The following GABRG3 variants were observed in gnomAD, a reference collection of about 807,000 sequenced individuals.
GABRG3 encodes the protein gamma-aminobutyric acid type A receptor subunit gamma3.
In GABRG3, 25 loss-of-function variants were observed where a neutral mutation model predicts 48.8. The observed-to-expected ratio is 0.51, with a 90% CI of 0.37 to 0.72. The LOEUF (loss-of-function observed/expected upper bound fraction) is 0.72. Ranked by LOEUF, GABRG3 falls within the 30% of genes least tolerant of loss-of-function variation. The pLI is 0.00. For synonymous variants in GABRG3, 227 were observed against 217.6 expected, an observed-to-expected ratio of 1.04 and a Z score of -0.38; for missense variants, 394 against 577.9, an observed-to-expected ratio of 0.68 and a Z score of 3.26.
At chr15:27,446,242 A>G (rs1489541726) in intron 5 of GABRG3, among the ~76,000 whole-genome samples, 1 of 152,218 alleles carries the variant, frequency 6.6e-6, no homozygotes, top group Non-Finnish European at 1.5e-5. Flanking sequence ...TAGTATTATC[A>G]TCTTAACAAT....
At chr15:27,515,073 A>C (rs1164967626) in intron 6 of GABRG3, among the ~76,000 whole-genome samples, 1 of 150,846 alleles carries the variant, frequency 6.6e-6, no homozygotes, top group Non-Finnish European at 1.5e-5. Context: ...CTTCTTTTTT[A>C]ATGTTTCTTA....
At chr15:27,366,117 T>C (rs1895190567) in intron 5 of GABRG3, 2 of 152,188 alleles carry the variant, frequency 1.3e-5, no homozygotes, top group African/African-American at 2.4e-5. Flanking sequence ...TGAAGCTTCT[T>C]TCAGGTTTAG....
intron 3 of GABRG3, among the ~76,000 whole-genome samples, chr15:27,097,959 A>C (rs140787692): frequency 6.7e-6 from 1 of 149,998 alleles, no homozygotes; most frequent in Non-Finnish European, 1.5e-5. Context: ...TTTAAATCAG[A>C]TGTCTTATAA....
At chr15:27,054,589 C>T (rs1464107130) in intron 3 of GABRG3, among the ~76,000 whole-genome samples, 4 of 152,114 alleles carry the variant, frequency 2.6e-5, no homozygotes, top group Non-Finnish European at 5.9e-5. Flanking sequence ...GAAATGCATC[C>T]GTTTATTTTG....
intron 5 of GABRG3, among the ~76,000 whole-genome samples, chr15:27,437,634 G>A (rs1368521960): frequency 6.6e-6 from 1 of 152,234 alleles, no homozygotes; most frequent in Non-Finnish European, 1.5e-5. Context: ...GCTACTCAGC[G>A]AAGCTGCCAG....
At chr15:27,198,823 G>C (rs1415119263) in intron 3 of GABRG3, among the ~76,000 whole-genome samples, 1 of 152,084 alleles carries the variant, frequency 6.6e-6, no homozygotes, top group Non-Finnish European at 1.5e-5. Context: ...GCTATAAAAA[G>C]AATGAGTTTA....
intron 5 of GABRG3, among the ~76,000 whole-genome samples, chr15:27,392,713 G>C (rs1887174181): frequency 6.6e-6 from 1 of 152,148 alleles, no homozygotes; most frequent in South Asian, 2.1e-4. Context: ...AATTCTGAAA[G>C]GTAAATTTGT....
At chr15:27,424,462 A>G (rs1230160802) in intron 5 of GABRG3, among the ~76,000 whole-genome samples, 1 of 151,578 alleles carries the variant, frequency 6.6e-6, no homozygotes, top group South Asian at 2.1e-4. Context: ...GATGGGAGGG[A>G]GACAGCTCCC....
At chr15:27,509,485 G>A (rs1890846258) in intron 6 of GABRG3, among the ~76,000 whole-genome samples, 1 of 152,108 alleles carries the variant, frequency 6.6e-6, no homozygotes, top group Non-Finnish European at 1.5e-5. Context: ...ATATTAGACA[G>A]TTTGTTATTT....
intron 5 of GABRG3, among the ~76,000 whole-genome samples, chr15:27,465,955 A>G (rs1410137327): frequency 1.3e-5 from 2 of 152,208 alleles, no homozygotes; most frequent in Admixed American, 6.5e-5. Context: ...TTTCAAAAAT[A>G]CTGTTGTAGA....
At chr15:27,295,186 A>G (rs905085554) in intron 3 of GABRG3, 6 of 152,172 alleles carry the variant, frequency 3.9e-5, no homozygotes, top group Admixed American at 3.3e-4. Flanking sequence ...TTTTCACCCA[A>G]AGTGAGGCAG....
At chr15:27,419,859 G>A (rs1453910093) in intron 5 of GABRG3, among the ~76,000 whole-genome samples, 1 of 152,148 alleles carries the variant, frequency 6.6e-6, no homozygotes, top group African/African-American at 2.4e-5. Context: ...AAATGGGTTG[G>A]GAACTTGCTG....
chr15:27,171,554 A>C (rs546494553), intron 3 of GABRG3, among the ~76,000 whole-genome samples: 102 of 148,324 alleles, frequency 6.9e-4, no homozygotes, highest in African/African-American at 2.4e-3. Context: ...ATGTATATAT[A>C]TGTATATGTA....
Position 27,306,667 on chromosome 15 carries a change from T to C in GABRG3, c.271-20142T>C, listed in dbSNP as rs868176544. ...ATATAAACATATATATGAACATGTT[T>C]ATATATAAACATATATATGAACATG... On this transcript the variant is annotated intron_variant, in intron 3 of 9. Coordinates refer to ENST00000615808, the MANE Select transcript of GABRG3 (RefSeq NM_033223.5). Among the ~76,000 whole-genome samples the C allele has an allele frequency of 2.2e-3, 216 of 97,374 alleles. 8 individuals carry two copies. The highest frequency in any genetic ancestry group is 7.6e-3 in the African/African-American group (205 of 27,056). The allele number at this position is 97,374 out of a possible 152,430, so 63.9% of individuals were successfully genotyped here. A position where few individuals can be genotyped will look rare whatever the true frequency, so the allele number is the denominator to read the frequency against.
chr15:27,043,498 A>G (rs902985870), intron 3 of GABRG3, among the ~76,000 whole-genome samples: 2 of 152,182 alleles, frequency 1.3e-5, no homozygotes, highest in Admixed American at 1.3e-4. Context: ...CTGGTATCAT[A>G]GGAAGTCCCC....
At position 27,174,783 on chromosome 15, in the gene GABRG3, T is replaced by C. The variant is rs184803078; in HGVS notation, c.270+147962T>C. ...TTCATGACTTTTGACCTCTCCTTAG[T>C]GGTCCTTGGGCATCACATGCTGTCC... is the stretch of plus-strand genomic sequence containing the variant. On this transcript the variant is annotated intron_variant, in intron 3 of 9. Coordinates refer to ENST00000615808, the MANE Select transcript of GABRG3 (RefSeq NM_033223.5). 8.5e-5 allele frequency among the ~76,000 whole-genome samples: 13 copies of C among 152,306 alleles called. No individual in the cohort carries two copies. In the East Asian group the frequency reaches 1.5e-3, roughly 18 times the overall value.
chr15:27,215,120 C>G (rs1050731695), intron 3 of GABRG3, among the ~76,000 whole-genome samples: 2 of 152,146 alleles, frequency 1.3e-5, no homozygotes, highest in Non-Finnish European at 2.9e-5. Context: ...AATTTTTACT[C>G]TATGTCATAT....
intron 3 of GABRG3, among the ~76,000 whole-genome samples, chr15:27,284,938 A>G (rs1891558612): frequency 6.6e-6 from 1 of 152,364 alleles, no homozygotes; most frequent in African/African-American, 2.4e-5. Context: ...TGTTGAAAGC[A>G]GAGATTAGAT....
chr15:27,150,863 T>C (rs1283329108), intron 3 of GABRG3, among the ~76,000 whole-genome samples: 6 of 152,112 alleles, frequency 3.9e-5, no homozygotes, highest in Non-Finnish European at 8.8e-5. Context: ...AAGAGAGAAT[T>C]TGGTCAAGCT....
Sources: allele counts gnomAD v4.1 joint callset (sites outside exome capture counted in the v4.1 genomes callset), GRCh38; gene constraint gnomAD v4.1.1; transcripts MANE v1.5; gene names NCBI Gene and HGNC (gene_info 2026-07-23, HGNC 2026-07-21).